ITM2B: variants seen among roughly 807,000 people sequenced by gnomAD.
ITM2B encodes the protein integral membrane protein 2B.
ITM2B carries 11 observed loss-of-function variants against 27.8 expected under a neutral mutation model. The ratio of observed to expected loss-of-function variants is 0.40; its 90% CI spans 0.25 to 0.66. The LOEUF is 0.66. Among genes scored for constraint, ITM2B ranks in the 30% least tolerant of loss-of-function variants. ITM2B has a pLI of 0.43. For missense variants in ITM2B, 296 were observed against 328.9 expected, an observed-to-expected ratio of 0.90 and a Z score of 0.77; for synonymous variants, 114 against 114.3, an observed-to-expected ratio of 1.00 and a Z score of 0.02.
At chr13:48,251,328 T>G (rs1951755116) in intron 1 of ITM2B, among the ~76,000 whole-genome samples, 1 of 152,238 alleles carries the variant, frequency 6.6e-6, no homozygotes, top group East Asian at 1.9e-4. Context: ...TAAAGTATTT[T>G]CTCCCTTGGG....
chr13:48,252,920 A>G (rs1951763185), intron 1 of ITM2B, among the ~76,000 whole-genome samples: 1 of 152,238 alleles, frequency 6.6e-6, no homozygotes, highest in African/African-American at 2.4e-5. Context: ...CTGTAATTCT[A>G]AAGTGACAGA....
chr13:48,259,814 AG>A (rs757378686), intron 5 of ITM2B, among the ~76,000 whole-genome samples: 13 of 151,614 alleles, frequency 8.6e-5, no homozygotes, highest in Non-Finnish European at 1.5e-4. Flanking sequence ...TCACTCAGGT[AG>A]TGAGCAAAGT....
At chr13:48,255,807 C>T (rs1951783662) in intron 2 of ITM2B, among the ~76,000 whole-genome samples, 1 of 152,090 alleles carries the variant, frequency 6.6e-6, no homozygotes, top group African/African-American at 2.4e-5. Flanking sequence ...TTAATATATT[C>T]TTTCAGAAAA....
rs1294681181 is a variant in ITM2B, at chr13:48,266,554, CT to C, written c.*5331del. On this transcript the variant is annotated 3_prime_UTR_variant, in exon 6 of 6. Transcript: ENST00000647800. Reference sequence around the variant, plus strand: ...TGACACTGAAGGAAGGAATAAACATCTGGTAACTATAGCTAGAAAAAAAGGA... The same window carrying C: ...TGACACTGAAGGAAGGAATAAACATCGGTAACTATAGCTAGAAAAAAAGGA... The C allele has an allele frequency of 1.3e-5, 2 of 152,208 alleles. No individual in the cohort carries two copies. Among genetic ancestry groups the C allele is most frequent in the African/African-American group, 4.8e-5 (2 of 41,540 alleles). 9.4% of individuals were successfully genotyped at this position (152,208 alleles called of 1,614,324 possible).
At chr13:48,249,573 G>A (rs1280132012) in intron 1 of ITM2B, among the ~76,000 whole-genome samples, 1 of 152,088 alleles carries the variant, frequency 6.6e-6, no homozygotes, top group African/African-American at 2.4e-5. Context: ...AATAATAACA[G>A]TTTTTTCTTT....
intron 1 of ITM2B, among the ~76,000 whole-genome samples, chr13:48,246,953 C>T (rs565049376): frequency 1.1e-4 from 17 of 152,260 alleles, no homozygotes; most frequent in Admixed American, 9.8e-4. Context: ...CTCAGCCTCC[C>T]GAGTAGCTGG....
chr13:48,244,632 A>G (rs1364506600), intron 1 of ITM2B, among the ~76,000 whole-genome samples: 1 of 152,214 alleles, frequency 6.6e-6, no homozygotes, highest in Non-Finnish European at 1.5e-5. Context: ...GAAATTACCC[A>G]TATTTGAATA....
intron 3 of ITM2B, among the ~76,000 whole-genome samples, chr13:48,257,450 G>A (rs1183413249): frequency 1.3e-5 from 2 of 152,060 alleles, no homozygotes; most frequent in East Asian, 1.9e-4. Context: ...TTGAACACTC[G>A]AATATATTAC....
intron 1 of ITM2B, among the ~76,000 whole-genome samples, chr13:48,247,287 C>G (rs1951730083): frequency 6.6e-6 from 1 of 152,088 alleles, no homozygotes; most frequent in African/African-American, 2.4e-5. Flanking sequence ...TTCTGAGTAA[C>G]TAAATCTATT....
rs963680558 is a variant in ITM2B at position 48,263,161 on chromosome 13, A to G, written c.*1937A>G. 4 of 152,182 alleles carry G rather than the reference A, an allele frequency of 2.6e-5. No individual in the cohort carries two copies. The highest frequency in any genetic ancestry group is 5.9e-5 in the Non-Finnish European group (4 of 68,044). 9.4% of individuals were successfully genotyped at this position (152,182 alleles called of 1,614,324 possible). ...CATTTGAATTTTTAAAGGTTTTTGT[A>G]TAATCATCTTAGTAAAACATTTGAT... On this transcript the variant is annotated 3_prime_UTR_variant, in exon 6 of 6. Coordinates refer to ENST00000647800, the MANE Select transcript of ITM2B (RefSeq NM_021999.5).
At position 48,263,092 on chromosome 13, in the gene ITM2B, A is replaced by T. The variant is rs1005152472; in HGVS notation, c.*1868A>T. 2.0e-5 allele frequency: 3 copies of T among 151,998 alleles called. No homozygotes were observed. Among genetic ancestry groups the T allele is most frequent in the African/African-American group, 7.3e-5 (3 of 41,370 alleles). The allele number at this position is 151,998 out of a possible 1,614,324, so 9.4% of individuals were successfully genotyped here. ...GTCCAGTATGGCAGGCAACCTCCAG[A>T]CTCCCAGGGACCCAAACTTACACTT... is the stretch of plus-strand genomic sequence containing the variant. On this transcript the variant is annotated 3_prime_UTR_variant, in exon 6 of 6. Coordinates refer to ENST00000647800, the MANE Select transcript of ITM2B (RefSeq NM_021999.5).
chr13:48,245,588 T>C (rs1194360675), intron 1 of ITM2B, among the ~76,000 whole-genome samples: 1 of 151,922 alleles, frequency 6.6e-6, no homozygotes, highest in East Asian at 1.9e-4. Context: ...AACCTAAAAC[T>C]GTGCTAGTTT....
chr13:48,261,154 A>C lies in ITM2B; in HGVS notation c.731A>C (p.Glu244Ala). The change falls in exon 6 of 6, where the codon GAA becomes GCA. Residue 244 changes from glutamate to alanine, a missense_variant. Transcript: ENST00000647800. ...TCTCCAACAGGTATTCAGAAACGTG[A>C]AGCCAGCAATTGTTTCGCAATTCGG... is the stretch of plus-strand genomic sequence containing the variant. The part of the protein sequence containing the change: ...RETIKGIQKR[E>A]ASNCFAIRHF... The C allele has an allele frequency of 6.2e-7, 1 of 1,612,276 alleles. No individual in the cohort carries two copies. The highest frequency in any genetic ancestry group is 8.5e-7 in the Non-Finnish European group (1 of 1,178,814).
rs2137974675 is a variant in ITM2B at position 48,233,568 on chromosome 13, G to T, written c.117+91G>T. On this transcript the variant is annotated intron_variant, in intron 1 of 5. Transcript: ENST00000647800. ...AGCGGCAGTGCGCCCCGAGGTGGCG[G>T]GCGCGGGGCTCGCGCCGCGGGGACA... 2.5e-6 allele frequency: 2 copies of T among 788,436 alleles called. 1 individual carries two copies. Among genetic ancestry groups the T allele is most frequent in the South Asian group, 4.5e-5 (2 of 44,556 alleles). 48.8% of individuals were successfully genotyped at this position (788,436 alleles called of 1,614,324 possible).
At chr13:48,238,949 A>G (rs968767203) in intron 1 of ITM2B, among the ~76,000 whole-genome samples, 3 of 152,178 alleles carry the variant, frequency 2.0e-5, no homozygotes, top group Non-Finnish European at 4.4e-5. Context: ...TGAGTTAAGG[A>G]TAAAGCTTAA....
At chr13:48,239,750 T>C (rs1194889525) in intron 1 of ITM2B, among the ~76,000 whole-genome samples, 2 of 152,246 alleles carry the variant, frequency 1.3e-5, no homozygotes, top group Non-Finnish European at 2.9e-5. Context: ...ACAACAATTT[T>C]AGCCCAAAAC....
At chr13:48,234,956 TGA>T (rs1951658691) in intron 1 of ITM2B, among the ~76,000 whole-genome samples, 1 of 152,180 alleles carries the variant, frequency 6.6e-6, no homozygotes, top group African/African-American at 2.4e-5. Context: ...TAAAATAGAT[TGA>T]GAGTCAAGTA....
chr13:48,268,161 T>C lies in ITM2B; in HGVS notation c.*6937T>C, dbSNP rs1157534065. On this transcript the variant is annotated 3_prime_UTR_variant, in exon 6 of 6. Coordinates refer to ENST00000647800, the MANE Select transcript of ITM2B (RefSeq NM_021999.5). ...TGGAATCGTACATATATAATCTTTT[T>C]GTTTGGCTTTTAAAACTCAGTATAA... 6.6e-6 allele frequency: 1 copy of C among 152,208 alleles called. No homozygotes were observed. The highest frequency in any genetic ancestry group is 2.4e-5 in the African/African-American group (1 of 41,442). The allele number at this position is 152,208 out of a possible 1,614,324, so 9.4% of individuals were successfully genotyped here. A position where few individuals can be genotyped will look rare whatever the true frequency, so the allele number is the denominator to read the frequency against.
Position 48,263,004 on chromosome 13 carries a change from G to T in ITM2B, c.*1780G>T, listed in dbSNP as rs1951831470. 6.6e-6 allele frequency: 1 copy of T among 152,060 alleles called. No individual in the cohort carries two copies. Among genetic ancestry groups the T allele is most frequent in the Non-Finnish European group, 1.5e-5 (1 of 68,006 alleles). The allele number at this position is 152,060 out of a possible 1,614,324, so 9.4% of individuals were successfully genotyped here. A position where few individuals can be genotyped will look rare whatever the true frequency, so the allele number is the denominator to read the frequency against. On this transcript the variant is annotated 3_prime_UTR_variant, in exon 6 of 6. Coordinates refer to ENST00000647800, the MANE Select transcript of ITM2B (RefSeq NM_021999.5). Reference sequence around the variant, plus strand: ...GTAGTAATGCAGTATCAGGGTAGCTGAACTGCAATAATAATCCCAACATCT... The same window carrying T: ...GTAGTAATGCAGTATCAGGGTAGCTTAACTGCAATAATAATCCCAACATCT...
Sources: allele counts gnomAD v4.1 joint callset (sites outside exome capture counted in the v4.1 genomes callset), GRCh38; gene constraint gnomAD v4.1.1; transcripts MANE v1.5; gene names NCBI Gene and HGNC (gene_info 2026-07-23, HGNC 2026-07-21).